The following AGMO variants were observed in gnomAD, a reference collection of about 807,000 sequenced individuals.
The protein encoded by AGMO is alkylglycerol monooxygenase.
Under a neutral mutation model 60.2 loss-of-function variants are expected in AGMO, and 75 were observed. The ratio of observed to expected loss-of-function variants is 1.25; its 90% CI spans 1.03 to 1.51. AGMO has a LOEUF of 1.51. Ranked by LOEUF, AGMO falls within the 40% of genes most tolerant of loss-of-function variation. AGMO has a pLI of 0.00. For synonymous variants in AGMO, 261 were observed against 177.1 expected, an observed-to-expected ratio of 1.47 and a Z score of -3.76; for missense variants, 763 against 525.5, an observed-to-expected ratio of 1.45 and a Z score of -4.42.
At chr7:15,300,591 G>C (rs1784537896) in intron 12 of AGMO, among the ~76,000 whole-genome samples, 1 of 152,130 alleles carries the variant, frequency 6.6e-6, no homozygotes, top group Non-Finnish European at 1.5e-5. Context: ...AAAGAAAGCA[G>C]CAATTTTTCT....
chr7:15,534,025 C>T (rs1784428208), intron 3 of AGMO, among the ~76,000 whole-genome samples: 1 of 151,990 alleles, frequency 6.6e-6, no homozygotes, highest in Non-Finnish European at 1.5e-5. Context: ...AGGACACATA[C>T]TTATGGCACA....
chr7:15,201,172 C>A lies in AGMO; in HGVS notation c.*113G>T. The A allele has an allele frequency of 1.7e-6, 1 of 587,208 alleles. No individual in the cohort carries two copies. The highest frequency in any genetic ancestry group is 2.7e-6 in the Non-Finnish European group (1 of 366,244). 36.4% of individuals were successfully genotyped at this position (587,208 alleles called of 1,614,324 possible). ...ATAGTAAATAAGTAATTTTACTTTT[C>A]ATTGAAGAAATAGTTCATATAAGCA... On this transcript the variant is annotated 3_prime_UTR_variant, in exon 13 of 13. Transcript: ENST00000342526.
At chr7:15,284,385 AGACATTACAACT>A in intron 12 of AGMO, among the ~76,000 whole-genome samples, 1 of 152,020 alleles carries the variant, frequency 6.6e-6, no homozygotes, top group Non-Finnish European at 1.5e-5. Context: ...ATGAAAATGA[AGACATTACAACT>A]GACACTACAA....
chr7:15,307,921 T>A (rs892686717), intron 12 of AGMO, among the ~76,000 whole-genome samples: 1 of 152,034 alleles, frequency 6.6e-6, no homozygotes, highest in East Asian at 1.9e-4. Flanking sequence ...GGAGTTTTTA[T>A]TTTATGTCTC....
intron 5 of AGMO, among the ~76,000 whole-genome samples, chr7:15,410,307 A>T (rs1178461506): frequency 1.3e-5 from 2 of 151,848 alleles, no homozygotes; most frequent in African/African-American, 4.8e-5. Flanking sequence ...TGTGGACCAC[A>T]ATAATTGAAA....
At chr7:15,555,876 AAATGT>A (rs1785119832) in intron 2 of AGMO, among the ~76,000 whole-genome samples, 1 of 152,090 alleles carries the variant, frequency 6.6e-6, no homozygotes, top group Admixed American at 6.6e-5. Context: ...ACATTCTCTC[AAATGT>A]AATTAACAAA....
chr7:15,318,232 G>C (rs1258549886), intron 12 of AGMO, among the ~76,000 whole-genome samples: 1 of 151,808 alleles, frequency 6.6e-6, no homozygotes, highest in Non-Finnish European at 1.5e-5. Context: ...CTCGAATCCT[G>C]ATCTCAAGTG....
chr7:15,243,676 T>A (rs1276203812), intron 12 of AGMO, among the ~76,000 whole-genome samples: 1 of 152,156 alleles, frequency 6.6e-6, no homozygotes, highest in African/African-American at 2.4e-5. Flanking sequence ...TTGAGTTGTT[T>A]AGTCAAATAA....
intron 3 of AGMO, among the ~76,000 whole-genome samples, chr7:15,522,272 G>A (rs1449621218): frequency 1.3e-5 from 2 of 152,088 alleles, no homozygotes; most frequent in African/African-American, 4.8e-5. Context: ...TGGCCATACT[G>A]CCCAAAGTAA....
intron 12 of AGMO, among the ~76,000 whole-genome samples, chr7:15,219,753 A>T (rs1369368009): frequency 1.1e-4 from 17 of 152,166 alleles, no homozygotes; most frequent in Non-Finnish European, 2.1e-4. Context: ...GCCAGAGGGA[A>T]AGTAGTATTG....
chr7:15,294,215 A>T (rs1007452055), intron 12 of AGMO, among the ~76,000 whole-genome samples: 1 of 151,600 alleles, frequency 6.6e-6, no homozygotes, highest in African/African-American at 2.4e-5. Context: ...AACCTTTAAG[A>T]TATTATTTTT....
chr7:15,316,038 G>A (rs1278495031), intron 12 of AGMO, among the ~76,000 whole-genome samples: 1 of 152,070 alleles, frequency 6.6e-6, no homozygotes, highest in African/African-American at 2.4e-5. Context: ...CAGAACAGCA[G>A]GCACTGGTTT....
intron 10 of AGMO, among the ~76,000 whole-genome samples, chr7:15,371,778 A>C (rs1783228255): frequency 6.6e-6 from 1 of 151,646 alleles, no homozygotes. Context: ...CCTGGACTCA[A>C]GTCTGGCCTC....
At chr7:15,367,072 C>A (rs1783016230) in intron 10 of AGMO, among the ~76,000 whole-genome samples, 1 of 151,792 alleles carries the variant, frequency 6.6e-6, no homozygotes, top group Non-Finnish European at 1.5e-5. Context: ...AAAACTAATT[C>A]TTTTGGAAAA....
intron 4 of AGMO, among the ~76,000 whole-genome samples, chr7:15,425,440 T>A (rs1781033250): frequency 6.6e-6 from 1 of 151,200 alleles, no homozygotes; most frequent in Non-Finnish European, 1.5e-5. Context: ...TTATTTTATT[T>A]TTTTTTTTTT....
chr7:15,361,539 C>CAA (rs200175234), intron 12 of AGMO, among the ~76,000 whole-genome samples: 4 of 29,516 alleles, frequency 1.4e-4, no homozygotes, highest in South Asian at 1.2e-3. Flanking sequence ...GACTGTGTCT[C>CAA]AAAAAAAAAA....
chr7:15,375,386 A>ATT (rs71004377), intron 10 of AGMO, among the ~76,000 whole-genome samples: 1,756 of 109,356 alleles, frequency 0.016, 60 homozygotes, highest in Admixed American at 0.023. Context: ...TTCTAAAAGG[A>ATT]TTTTTTTTTT....
the AGMO span, among the ~76,000 whole-genome samples, chr7:15,188,044 C>G: frequency 6.6e-6 from 1 of 152,166 alleles, no homozygotes; most frequent in African/African-American, 2.4e-5. Context: ...TCACGGCAAG[C>G]TTGCAAATGA....
At chr7:15,276,448 T>G (rs542403557) in intron 12 of AGMO, among the ~76,000 whole-genome samples, 4 of 152,154 alleles carry the variant, frequency 2.6e-5, no homozygotes, top group Non-Finnish European at 5.9e-5. Context: ...GATGTTTCTC[T>G]CTAGCTGCTT....
Sources: gnomAD v4.1 joint callset for allele counts (sites outside exome capture counted in the v4.1 genomes callset) on GRCh38, gnomAD v4.1.1 for gene constraint, MANE v1.5 for transcripts, NCBI Gene and HGNC (gene_info 2026-07-23, HGNC 2026-07-21) for gene names.